The following AK8 variants were observed in gnomAD, a reference collection of about 807,000 sequenced individuals.
AK8 encodes the protein ATP-AMP transphosphorylase 8.
AK8 carries 44 observed loss-of-function variants against 54.6 expected under a neutral mutation model. The ratio of observed to expected loss-of-function variants is 0.81; its 90% CI spans 0.63 to 1.04. The LOEUF is 1.04. Ranked by LOEUF, AK8 falls within the 50% of genes least tolerant of loss-of-function variation. AK8 has a pLI of 0.00. For synonymous variants in AK8, 239 were observed against 245.6 expected (o/e 0.97, Z 0.25); for missense variants, 555 against 613.6 (o/e 0.90, Z 1.01).
intron 9 of AK8, among the ~76,000 whole-genome samples, chr9:132,822,677 G>A (rs1412783001): frequency 2.0e-5 from 3 of 152,018 alleles, no homozygotes; most frequent in South Asian, 4.1e-4. Context: ...AAGACCTGGA[G>A]AGCTGATTTC....
At position 132,742,612 on chromosome 9, in the gene AK8, G is replaced by A. The variant is rs1230348920; in HGVS notation, c.1122-15078C>T. Among the ~76,000 whole-genome samples, 3 of 152,326 alleles carry A rather than the reference G, an allele frequency of 2.0e-5. No homozygotes were observed. In the East Asian group the frequency reaches 5.8e-4, roughly 29 times the overall value. ...CTCTGAGGGGCTGTGCCAGGTCTGC[G>A]TCATGATCCATGGCTCCTCACCCAC... On this transcript the variant is annotated intron_variant, in intron 11 of 12. Transcript: ENST00000298545.
chr9:132,839,840 C>T (rs556087434), intron 5 of AK8, among the ~76,000 whole-genome samples: 14 of 131,366 alleles, frequency 1.1e-4, no homozygotes, highest in East Asian at 4.9e-4. Context: ...GGCGCAGGGA[C>T]GGAGCCTTGC....
At chr9:132,784,540 G>A (rs539351937) in intron 11 of AK8, among the ~76,000 whole-genome samples, 159 of 151,678 alleles carry the variant, frequency 1.0e-3, no homozygotes, top group African/African-American at 3.8e-3. Context: ...AGGAAGGAGG[G>A]AAGGAAGGAA....
Position 132,863,774 on chromosome 9 carries a change from A to G in AK8, c.224T>C (p.Met75Thr), listed in dbSNP as rs1843482819. 2 of 1,610,538 alleles carry G rather than the reference A, an allele frequency of 1.2e-6. No individual in the cohort carries two copies. Among genetic ancestry groups the G allele is most frequent in the African/African-American group, 2.7e-5 (2 of 74,902 alleles). ...GCTGTTCAGATGTTTGCAGAGCCAC[A>G]TTGCCTGAAGAAAGGAAAGAAGAAA... Reference protein sequence around the residue: ...PPASGKTTIAMWLCKHLNSSL... With the variant: ...PPASGKTTIATWLCKHLNSSL... The change falls in exon 4 of 13, where the codon ATG becomes ACG. Residue 75 changes from methionine to threonine, a missense_variant. Met to Thr is a moderately conservative substitution (Grantham distance 81, BLOSUM62 -1). Transcript: ENST00000298545.
intron 5 of AK8, among the ~76,000 whole-genome samples, chr9:132,834,398 C>A (rs1842233233): frequency 6.6e-6 from 1 of 152,146 alleles, no homozygotes; most frequent in African/African-American, 2.4e-5. Flanking sequence ...GCCACAGAAC[C>A]CTAGGATGCC....
chr9:132,857,872 C>G (rs913510504), intron 4 of AK8, among the ~76,000 whole-genome samples: 1 of 152,236 alleles, frequency 6.6e-6, no homozygotes, highest in Non-Finnish European at 1.5e-5. Flanking sequence ...GCTGTCTCCA[C>G]GCCAGCTTTG....
At chr9:132,846,991 C>A (rs763482675) in intron 5 of AK8, among the ~76,000 whole-genome samples, 6 of 152,216 alleles carry the variant, frequency 3.9e-5, no homozygotes, top group Non-Finnish European at 8.8e-5. Flanking sequence ...TCTCCCGGGC[C>A]GAGATAGAGA....
chr9:132,847,146 G>A (rs561616449), intron 5 of AK8, among the ~76,000 whole-genome samples: 3 of 152,324 alleles, frequency 2.0e-5, no homozygotes, highest in African/African-American at 4.8e-5. Context: ...CCAGGAGAGC[G>A]GGCCGGGGGA....
Position 132,863,789 on chromosome 9 carries a change from G to A in AK8, c.220-11C>T. ...GCAGAGCCACATTGCCTGAAGAAAG[G>A]AAAGAAGAAAAGGGCATTTTCATAA... On this transcript the variant is annotated splice_polypyrimidine_tract_variant and intron_variant, in intron 3 of 12. Transcript: ENST00000298545. 4.4e-6 allele frequency: 7 copies of A among 1,595,218 alleles called. No homozygotes were observed. The highest frequency in any genetic ancestry group is 1.7e-5 in the Admixed American group (1 of 59,014).
At chr9:132,847,323 T>G (rs1842790234) in intron 5 of AK8, among the ~76,000 whole-genome samples, 1 of 152,190 alleles carries the variant, frequency 6.6e-6, no homozygotes, top group African/African-American at 2.4e-5. Flanking sequence ...TGGCGCCATC[T>G]CCACCGGGCC....
chr9:132,817,722 G>A (rs1453603951), intron 9 of AK8, among the ~76,000 whole-genome samples: 1 of 152,160 alleles, frequency 6.6e-6, no homozygotes, highest in African/African-American at 2.4e-5. Context: ...AAATCTAAGA[G>A]ACCTAGAGGA....
At chr9:132,792,847 T>C (rs1840005369) in intron 10 of AK8, 72 bp from the exon 11 acceptor site, 2 of 1,490,036 alleles carry the variant, frequency 1.3e-6, no homozygotes, top group Non-Finnish European at 1.8e-6. Flanking sequence ...CTAACTTTAC[T>C]TGGCCATAGA....
At position 132,803,081 on chromosome 9, in the gene AK8, C is replaced by T. The variant is rs1178284443; in HGVS notation, c.980-10306G>A. Among the ~76,000 whole-genome samples the T allele has an allele frequency of 6.6e-6, 1 of 152,084 alleles. No individual in the cohort carries two copies. The highest frequency in any genetic ancestry group is 2.4e-5 in the African/African-American group (1 of 41,396). The stretch of plus-strand genomic sequence containing the variant: ...CACATAGCGGCAGCCAGGAGAGGTG[C>T]AGAGCGAAGGGGCAGAGCGGGGGAA... On this transcript the variant is annotated intron_variant, in intron 10 of 12. Coordinates refer to ENST00000298545, the MANE Select transcript of AK8 (RefSeq NM_152572.3). This position sits in a 1 kb window ranked among gnomAD's most constrained non-coding sequence, Gnocchi z 4.4.
Position 132,875,214 on chromosome 9 carries a change from C to A in AK8, c.85-15G>T, listed in dbSNP as rs1554808040. ...TCCAGCATGTTCTGTGGGTGCAGGG[C>A]AGACACCCAGGTGGTTAATACCTGC... On this transcript the variant is annotated splice_polypyrimidine_tract_variant and intron_variant, in intron 1 of 12. Coordinates refer to ENST00000298545, the MANE Select transcript of AK8 (RefSeq NM_152572.3). 15 of 1,613,766 alleles carry A rather than the reference C, an allele frequency of 9.3e-6. No individual in the cohort carries two copies. In the South Asian group the frequency reaches 1.5e-4, roughly 17 times the overall value.
intron 4 of AK8, among the ~76,000 whole-genome samples, chr9:132,862,752 C>T (rs1843440620): frequency 6.6e-6 from 1 of 152,192 alleles, no homozygotes; most frequent in Admixed American, 6.5e-5. Context: ...CTGACTGTGC[C>T]TGACACGTGA....
In AK8 at chr9:132,758,401, T is replaced by C. The variant is rs1381367052; in HGVS notation, c.1122-30867A>G. ...TGACAAGCTGGCAGGAACAAAACAA[T>C]GTACCATTATGATTTAAATTCGTAT... On this transcript the variant is annotated intron_variant, in intron 11 of 12. Coordinates refer to ENST00000298545, the MANE Select transcript of AK8 (RefSeq NM_152572.3). Among the ~76,000 whole-genome samples, 3 of 152,198 alleles carry C rather than the reference T, an allele frequency of 2.0e-5. No individual in the cohort carries two copies. The East Asian group carries it at 5.8e-4, about 29-fold the overall frequency.
intron 5 of AK8, among the ~76,000 whole-genome samples, chr9:132,845,736 G>A (rs1316740791): frequency 2.7e-5 from 4 of 148,306 alleles, no homozygotes; most frequent in African/African-American, 1.0e-4. Context: ...AGCAGAGATC[G>A]CGCCACTGCA....
chr9:132,784,337 G>GAGACA (rs1839602221), intron 11 of AK8, among the ~76,000 whole-genome samples: 1 of 152,122 alleles, frequency 6.6e-6, no homozygotes, highest in Admixed American at 6.5e-5. Context: ...TGGCCAACAT[G>GAGACA]GTGAAACCCT....
chr9:132,804,517 C>A (rs996967066), intron 10 of AK8, among the ~76,000 whole-genome samples: 3 of 152,088 alleles, frequency 2.0e-5, no homozygotes, highest in Non-Finnish European at 4.4e-5. Context: ...AGGAGTTCCC[C>A]TTCCCCTGCC....
Sources: gnomAD v4.1 joint callset for allele counts (sites outside exome capture counted in the v4.1 genomes callset) on GRCh38, gnomAD v4.1.1 for gene constraint, Gnocchi (gnomAD v3.1) non-coding constraint, MANE v1.5 for transcripts, NCBI Gene and HGNC (gene_info 2026-07-23, HGNC 2026-07-21) for gene names.